Variants in DPY19L1 observed in about 807,000 individuals in gnomAD.
DPY19L1 encodes the protein protein C-mannosyl-transferase DPY19L1.
In DPY19L1, 35 loss-of-function variants were observed where a neutral mutation model predicts 96.9. That is an observed-to-expected ratio of 0.36 (90% CI 0.28 to 0.48). DPY19L1 has a LOEUF of 0.48. Among genes scored for constraint, DPY19L1 ranks in the 20% least tolerant of loss-of-function variants. The pLI, the probability that DPY19L1 is intolerant of heterozygous loss-of-function variation, is 0.99. For missense variants in DPY19L1, 521 were observed against 777.9 expected (o/e 0.67, Z 3.93); for synonymous variants, 205 against 252.6 (o/e 0.81, Z 1.79).
intron 6 of DPY19L1, among the ~76,000 whole-genome samples, chr7:34,994,619 C>T (rs1453014658): frequency 6.6e-6 from 1 of 151,982 alleles, no homozygotes; most frequent in Non-Finnish European, 1.5e-5. Flanking sequence ...TCCTGGCTAA[C>T]ATGGTGAAAA....
intron 7 of DPY19L1, among the ~76,000 whole-genome samples, chr7:34,973,838 G>C (rs1447135612): frequency 1.3e-5 from 2 of 152,044 alleles, no homozygotes; most frequent in Non-Finnish European, 1.5e-5. Context: ...GAATTGTCAG[G>C]AAGAAAATAC....
In DPY19L1 at chr7:34,930,323, C is replaced by G. The variant is rs1033788583; in HGVS notation, c.*1250G>C. On this transcript the variant is annotated 3_prime_UTR_variant, in exon 22 of 22. Coordinates refer to ENST00000638088, the MANE Select transcript of DPY19L1 (RefSeq NM_001366673.1). ...AACTTCTAAGAAACAAAAATTCATA[C>G]AAGGAATTCAAAGAAGGTGTAGAAA... 1 of 151,556 alleles carries G rather than the reference C, an allele frequency of 6.6e-6. No individual in the cohort carries two copies. Among genetic ancestry groups the G allele is most frequent in the Non-Finnish European group, 1.5e-5 (1 of 67,854 alleles). The allele number at this position is 151,556 out of a possible 1,614,324, so 9.4% of individuals were successfully genotyped here.
intron 1 of DPY19L1, among the ~76,000 whole-genome samples, chr7:35,028,558 GA>G (rs560188382): frequency 1.6e-4 from 24 of 152,230 alleles, no homozygotes; most frequent in African/African-American, 5.3e-4. Context: ...CACATAATAT[GA>G]ATACAAATGT....
chr7:34,931,404 TG>T lies in DPY19L1; in HGVS notation c.*168del, dbSNP rs1369258928. 1.1e-5 allele frequency: 10 copies of T among 929,152 alleles called. No individual in the cohort carries two copies. The highest frequency in any genetic ancestry group is 1.7e-5 in the African/African-American group (1 of 58,298). The allele number at this position is 929,152 out of a possible 1,614,324, so 57.6% of individuals were successfully genotyped here. A position where few individuals can be genotyped will look rare whatever the true frequency, so the allele number is the denominator to read the frequency against. ...TGAAATAGTAACCAATTGATAAAGGTGTAAGTCATTTTTATAATTAGAATGA... is the reference window on the plus strand; with the variant it reads ...TGAAATAGTAACCAATTGATAAAGGTTAAGTCATTTTTATAATTAGAATGA... On this transcript the variant is annotated 3_prime_UTR_variant, in exon 22 of 22. Coordinates refer to ENST00000638088, the MANE Select transcript of DPY19L1 (RefSeq NM_001366673.1).
intron 3 of DPY19L1, among the ~76,000 whole-genome samples, chr7:35,015,663 G>A (rs1785828559): frequency 6.6e-6 from 1 of 152,192 alleles, no homozygotes; most frequent in African/African-American, 2.4e-5. Flanking sequence ...ATCATATGAT[G>A]AAGAGATAAC....
chr7:34,970,463 ATATATATGAC>A (rs1377012766), intron 8 of DPY19L1, among the ~76,000 whole-genome samples: 1 of 152,182 alleles, frequency 6.6e-6, no homozygotes, highest in African/African-American at 2.4e-5. Flanking sequence ...GTGAAACAGA[ATATATATGAC>A]TATATCCTAC....
At chr7:34,983,238 T>A (rs928101895) in intron 7 of DPY19L1, among the ~76,000 whole-genome samples, 6 of 151,832 alleles carry the variant, frequency 4.0e-5, no homozygotes, top group Non-Finnish European at 7.4e-5. Flanking sequence ...ATTGTCTTCA[T>A]AAAATAAAAA....
intron 6 of DPY19L1, 140 bp from the exon 7 acceptor site, chr7:34,990,081 A>G: frequency 2.0e-6 from 1 of 497,892 alleles, no homozygotes; most frequent in East Asian, 3.5e-5. Context: ...CTTATTTACA[A>G]AATAGTTTAT....
At chr7:34,973,734 T>A (rs1784776437) in intron 7 of DPY19L1, 129 bp from the exon 8 acceptor site, 2 of 433,714 alleles carry the variant, frequency 4.6e-6, no homozygotes, top group African/African-American at 2.0e-5. Context: ...AACAAACTAC[T>A]GGACTTTATT....
At chr7:34,967,405 TGC>T (rs1784634075) in intron 9 of DPY19L1, among the ~76,000 whole-genome samples, 1 of 152,194 alleles carries the variant, frequency 6.6e-6, no homozygotes, top group Non-Finnish European at 1.5e-5. Flanking sequence ...AATTTCTGCT[TGC>T]TAGTCACTCT....
At chr7:34,978,323 T>C (rs1170729030) in intron 7 of DPY19L1, among the ~76,000 whole-genome samples, 2 of 152,192 alleles carry the variant, frequency 1.3e-5, no homozygotes. Context: ...CACCTCTGCC[T>C]GCTGCTTTTC....
Position 34,958,060 on chromosome 7 carries a change from G to A in DPY19L1, c.1103C>T (p.Ala368Val), listed in dbSNP as rs1328072488. Reference sequence around the variant, plus strand: ...CCCAAACATCAAAACAAAACAAAGTGCAAGAGAAATCTGGAAAAATCCAAG... The same window carrying A: ...CCCAAACATCAAAACAAAACAAAGTACAAGAGAAATCTGGAAAAATCCAAG... ...KIIYIHMISL[A>V]LCFVLMFGNS... is the part of the protein sequence containing the mutation. The change falls in exon 11 of 22, where the codon GCA becomes GTA. Residue 368 changes from alanine (A) to valine (V), a missense_variant. By Grantham distance (64) the Ala-to-Val change is moderately conservative (BLOSUM62 0). Coordinates refer to ENST00000638088, the MANE Select transcript of DPY19L1 (RefSeq NM_001366673.1). 20 of 1,573,092 alleles carry A rather than the reference G, an allele frequency of 1.3e-5. No individual in the cohort carries two copies. The highest frequency in any genetic ancestry group is 1.6e-5 in the Non-Finnish European group (19 of 1,167,872).
At chr7:34,939,579 T>A (rs1174895160) in intron 19 of DPY19L1, among the ~76,000 whole-genome samples, 1 of 152,224 alleles carries the variant, frequency 6.6e-6, no homozygotes, top group African/African-American at 2.4e-5. Context: ...CTATTTTCCT[T>A]GGAAAACAGA....
chr7:35,006,180 T>C (rs562701083), intron 6 of DPY19L1, among the ~76,000 whole-genome samples: 94 of 152,352 alleles, frequency 6.2e-4, no homozygotes, highest in Non-Finnish European at 1.1e-3. Flanking sequence ...ATAAACTTTA[T>C]AGACATATGT....
intron 1 of DPY19L1, among the ~76,000 whole-genome samples, chr7:35,031,990 A>G (rs1311453390): frequency 1.3e-5 from 2 of 152,194 alleles, no homozygotes; most frequent in African/African-American, 4.8e-5. Context: ...GAAAGCAAGC[A>G]CACCAAGATG....
intron 1 of DPY19L1, among the ~76,000 whole-genome samples, chr7:35,036,210 G>A (rs1177238173): frequency 6.6e-6 from 1 of 152,076 alleles, no homozygotes; most frequent in Non-Finnish European, 1.5e-5. Context: ...AATATACTAA[G>A]GGATAAATCA....
intron 6 of DPY19L1, among the ~76,000 whole-genome samples, chr7:35,008,190 G>A (rs1427542750): frequency 5.3e-5 from 8 of 152,124 alleles, no homozygotes; most frequent in Non-Finnish European, 5.9e-5. Flanking sequence ...TGCCTCTGAA[G>A]TTCTAAGCAC....
At chr7:35,022,452 T>A (rs555051542) in intron 1 of DPY19L1, among the ~76,000 whole-genome samples, 5 of 152,362 alleles carry the variant, frequency 3.3e-5, no homozygotes, top group Admixed American at 3.3e-4. Context: ...GGATGCTGCA[T>A]TAACTCTTTC....
At chr7:34,994,188 A>G (rs1785233846) in intron 6 of DPY19L1, among the ~76,000 whole-genome samples, 1 of 152,200 alleles carries the variant, frequency 6.6e-6, no homozygotes, top group South Asian at 2.1e-4. Flanking sequence ...TTCATAATCT[A>G]ACAGGTCAAG....
Sources: allele counts gnomAD v4.1 joint callset (sites outside exome capture counted in the v4.1 genomes callset), GRCh38; gene constraint gnomAD v4.1.1; transcripts MANE v1.5; gene names NCBI Gene and HGNC (gene_info 2026-07-23, HGNC 2026-07-21).